Variants in PTPRK observed in about 807,000 individuals in gnomAD.
The protein encoded by PTPRK is receptor-type tyrosine-protein phosphatase kappa.
Under a neutral mutation model 178.0 loss-of-function variants are expected in PTPRK, and 75 were observed. The ratio of observed to expected loss-of-function variants is 0.42; its 90% CI spans 0.35 to 0.51. The LOEUF is 0.51. PTPRK is among the 20% of genes least tolerant of loss of function. PTPRK has a pLI of 0.02. For synonymous variants in PTPRK, 637 were observed against 620.6 expected (o/e 1.03, Z -0.39); for missense variants, 1,441 against 1,797.8 (o/e 0.80, Z 3.59).
At chr6:128,491,360 T>C (rs187330860) in intron 1 of PTPRK, among the ~76,000 whole-genome samples, 5 of 152,308 alleles carry the variant, frequency 3.3e-5, no homozygotes, top group African/African-American at 9.6e-5. Context: ...GTGGTTAATA[T>C]AGAAATGTTA....
intron 3 of PTPRK, among the ~76,000 whole-genome samples, chr6:128,244,837 G>A (rs1056232484): frequency 1.3e-5 from 2 of 152,132 alleles, no homozygotes; most frequent in Non-Finnish European, 2.9e-5. Context: ...TGAAAATTTG[G>A]GAGGCTGAGT....
chr6:128,253,376 G>C (rs1222019336), intron 3 of PTPRK, among the ~76,000 whole-genome samples: 2 of 152,166 alleles, frequency 1.3e-5, no homozygotes, highest in South Asian at 2.1e-4. Context: ...GTATAAAACT[G>C]AAAGTGGGGA....
chr6:128,237,087 A>C (rs1486824071), intron 5 of PTPRK, among the ~76,000 whole-genome samples: 2 of 152,198 alleles, frequency 1.3e-5, no homozygotes, highest in Non-Finnish European at 2.9e-5. Context: ...ATTATTTAAA[A>C]TATCAAATAT....
intron 6 of PTPRK, among the ~76,000 whole-genome samples, chr6:128,213,679 G>C (rs1376961970): frequency 6.6e-6 from 1 of 152,034 alleles, no homozygotes; most frequent in Non-Finnish European, 1.5e-5. Context: ...TAAACAGCTT[G>C]CTAAAGGTCT....
At chr6:128,306,076 G>A (rs529488376) in intron 3 of PTPRK, among the ~76,000 whole-genome samples, 1 of 152,148 alleles carries the variant, frequency 6.6e-6, no homozygotes, top group Admixed American at 6.6e-5. Flanking sequence ...AACAGCGTGG[G>A]GGAAACCATC....
At chr6:128,342,662 A>T (rs1584260948) in intron 2 of PTPRK, among the ~76,000 whole-genome samples, 1 of 152,346 alleles carries the variant, frequency 6.6e-6, no homozygotes, top group East Asian at 1.9e-4. Flanking sequence ...AATTATATAG[A>T]AGTGTATTGT....
At chr6:128,204,456 G>T (rs1279002168) in intron 6 of PTPRK, among the ~76,000 whole-genome samples, 1 of 152,044 alleles carries the variant, frequency 6.6e-6, no homozygotes, top group Admixed American at 6.6e-5. Context: ...CACAGCAAAA[G>T]AAATTAACAT....
In PTPRK at chr6:128,358,259, T is replaced by G. The variant is rs1177807682; in HGVS notation, c.224-35949A>C. On this transcript the variant is annotated intron_variant, in intron 2 of 29. Transcript: ENST00000368226. ...CTTGGCCCTGAAGGAGAGGGCATAT[T>G]CAGGCCAGACTCTACAATCCCATTC... is the stretch of plus-strand genomic sequence containing the variant. Among the ~76,000 whole-genome samples, 4 of 152,194 alleles carry G rather than the reference T, an allele frequency of 2.6e-5. No individual in the cohort carries two copies. In the East Asian group the frequency reaches 5.8e-4, roughly 22 times the overall value.
At chr6:128,483,733 C>T (rs889029611) in intron 1 of PTPRK, among the ~76,000 whole-genome samples, 1 of 152,114 alleles carries the variant, frequency 6.6e-6, no homozygotes, top group Non-Finnish European at 1.5e-5. Context: ...CAAATAAAAT[C>T]TCTGCACTCC....
chr6:128,345,471 A>G (rs1025849051), intron 2 of PTPRK, among the ~76,000 whole-genome samples: 1 of 152,204 alleles, frequency 6.6e-6, no homozygotes, highest in Non-Finnish European at 1.5e-5. Flanking sequence ...GCTGATGGCA[A>G]TACCCTGTAC....
At chr6:128,277,699 A>T (rs1820950549) in intron 3 of PTPRK, among the ~76,000 whole-genome samples, 1 of 152,206 alleles carries the variant, frequency 6.6e-6, no homozygotes, top group Admixed American at 6.5e-5. Flanking sequence ...CTAACATTTT[A>T]ACATGATTTA....
At chr6:128,109,703 G>A (rs1790323649) in intron 7 of PTPRK, among the ~76,000 whole-genome samples, 1 of 152,108 alleles carries the variant, frequency 6.6e-6, no homozygotes, top group Non-Finnish European at 1.5e-5. Flanking sequence ...TGAAATAGTG[G>A]GCTAAATCTA....
At chr6:128,221,535 A>AAT (rs1554353138) in intron 5 of PTPRK, among the ~76,000 whole-genome samples, 3 of 150,052 alleles carry the variant, frequency 2.0e-5, no homozygotes, top group Non-Finnish European at 3.0e-5. Flanking sequence ...AAAAAAAAAA[A>AAT]AATAATAATA....
rs937566224 is a variant in PTPRK at position 128,508,383 on chromosome 6, A to G, written c.100+11876T>C. 1.5e-4 allele frequency among the ~76,000 whole-genome samples: 22 copies of G among 150,726 alleles called. 2 individuals carry two copies. Among genetic ancestry groups the G allele is most frequent in the Non-Finnish European group, 1.0e-4 (7 of 66,964 alleles). On this transcript the variant is annotated intron_variant, in intron 1 of 29. Transcript: ENST00000368226. ...ACCTCATCAGGATCATGCTCTTAAA[A>G]ACCAGGCAGAACAGCTTAGATGGCA...
intron 17 of PTPRK, among the ~76,000 whole-genome samples, chr6:127,995,852 T>C (rs746536648): frequency 1.3e-5 from 2 of 152,108 alleles, no homozygotes; most frequent in Non-Finnish European, 2.9e-5. Context: ...CTAATTTTGC[T>C]TTTTAGTCAT....
chr6:128,212,155 T>C (rs2128266318), intron 6 of PTPRK, among the ~76,000 whole-genome samples: 1 of 152,198 alleles, frequency 6.6e-6, no homozygotes, highest in East Asian at 1.9e-4. Flanking sequence ...GTCAAAATTC[T>C]GTGTCATGAT....
intron 1 of PTPRK, among the ~76,000 whole-genome samples, chr6:128,445,129 A>G (rs1846775496): frequency 6.8e-6 from 1 of 147,988 alleles, no homozygotes; most frequent in Admixed American, 6.8e-5. Context: ...CTTTGGTGGG[A>G]GGAAAGCTTG....
At chr6:128,129,852 T>G (rs958360698) in intron 7 of PTPRK, among the ~76,000 whole-genome samples, 1 of 152,188 alleles carries the variant, frequency 6.6e-6, no homozygotes, top group African/African-American at 2.4e-5. Flanking sequence ...TGTGTCATCA[T>G]GTCAGTTGAG....
rs13202003 is a variant in PTPRK at position 127,969,984 on chromosome 6, T to G, written c.*243A>C. 1 of 399,096 alleles carries G rather than the reference T, an allele frequency of 2.5e-6. No individual in the cohort carries two copies. The highest frequency in any genetic ancestry group is 4.4e-6 in the Non-Finnish European group (1 of 224,886). The allele number at this position is 399,096 out of a possible 1,614,324, so 24.7% of individuals were successfully genotyped here. A position where few individuals can be genotyped will look rare whatever the true frequency, so the allele number is the denominator to read the frequency against. On this transcript the variant is annotated 3_prime_UTR_variant, in exon 30 of 30. Coordinates refer to ENST00000368226, the MANE Select transcript of PTPRK (RefSeq NM_002844.4). Reference sequence around the variant, plus strand: ...CCAATACGTTCTCATTTCAATCTGGTTCTTATTAAATATAATTTATGTGGC... The same window carrying G: ...CCAATACGTTCTCATTTCAATCTGGGTCTTATTAAATATAATTTATGTGGC...
Sources: gnomAD v4.1 joint callset for allele counts (sites outside exome capture counted in the v4.1 genomes callset) on GRCh38, gnomAD v4.1.1 for gene constraint, MANE v1.5 for transcripts, NCBI Gene and HGNC (gene_info 2026-07-23, HGNC 2026-07-21) for gene names.